The following IL33 variants were observed in gnomAD, a reference collection of about 807,000 sequenced individuals.
The protein encoded by IL33 is interleukin-33.
IL33 carries 37 observed loss-of-function variants against 27.3 expected under a neutral mutation model. That is an observed-to-expected ratio of 1.36 (90% CI 1.04 to 1.78). IL33 has a LOEUF of 1.78. Among genes scored for constraint, IL33 ranks in the 40% most tolerant of loss-of-function variants. The pLI, the probability that IL33 is intolerant of heterozygous loss-of-function variation, is 0.00. For synonymous variants in IL33, 132 were observed against 102.9 expected (o/e 1.28, Z -1.71); for missense variants, 406 against 311.4 (o/e 1.30, Z -2.29).
At chr9:6,253,645 G>C in intron 6 of IL33, 43 bp downstream of exon 6, 3 of 1,484,676 alleles carry the variant, frequency 2.0e-6, no homozygotes, top group South Asian at 1.2e-5. Context: ...GAATTCTTAA[G>C]TATGGGGTAA....
intron 1 of IL33, among the ~76,000 whole-genome samples, chr9:6,240,441 G>C (rs916990360): frequency 6.6e-6 from 1 of 152,228 alleles, no homozygotes; most frequent in African/African-American, 2.4e-5. Context: ...GGAAACCAAA[G>C]TTCTTATTTG....
intron 6 of IL33, 97 bp downstream of exon 6, chr9:6,253,699 T>C (rs1244124696): frequency 6.5e-6 from 6 of 927,916 alleles, no homozygotes; most frequent in African/African-American, 1.7e-5. Flanking sequence ...GGAAAAAAGA[T>C]AGTCTCAGAA....
At position 6,251,177 on chromosome 9, in the gene IL33, T is replaced by A; in HGVS notation, c.255T>A (p.Cys85Ter). Residue 85 changes from cysteine to a stop codon, truncating the protein, a stop_gained, in exon 4 of 8, where the codon TGT becomes TGA. Coordinates refer to ENST00000682010, the MANE Select transcript of IL33 (RefSeq NM_033439.4). LOFTEE classifies it high-confidence loss of function. ...KHKRHLVLAA[C>*]QQQSTVECFA... ...AAAGACATCTGGTACTCGCTGCCTGTCAACAGCAGTCTACTGTGGAGTGCT... is the reference window on the plus strand; with the variant it reads ...AAAGACATCTGGTACTCGCTGCCTGACAACAGCAGTCTACTGTGGAGTGCT... The A allele has an allele frequency of 6.2e-7, 1 of 1,614,022 alleles. No homozygotes were observed. Among genetic ancestry groups the A allele is most frequent in the South Asian group, 1.1e-5 (1 of 91,078 alleles).
Position 6,256,242 on chromosome 9 carries a change from G to A in IL33, c.*74G>A, listed in dbSNP as rs982710785. 1.6e-5 allele frequency: 17 copies of A among 1,066,796 alleles called. No homozygotes were observed. The highest frequency in any genetic ancestry group is 2.8e-4 in the Middle Eastern group (1 of 3,576). The allele number at this position is 1,066,796 out of a possible 1,614,324, so 66.1% of individuals were successfully genotyped here. A position where few individuals can be genotyped will look rare whatever the true frequency, so the allele number is the denominator to read the frequency against. ...GGAGAAGGAATGAGAGATAAAGAAA[G>A]AGACAGGTGACATCTAAGGGAAATG... On this transcript the variant is annotated 3_prime_UTR_variant, in exon 8 of 8. Coordinates refer to ENST00000682010, the MANE Select transcript of IL33 (RefSeq NM_033439.4).
chr9:6,249,425 T>C (rs1816201596), intron 2 of IL33, among the ~76,000 whole-genome samples: 2 of 152,324 alleles, frequency 1.3e-5, no homozygotes, highest in South Asian at 4.1e-4. Context: ...TACATAATGT[T>C]AAAAATTGAG....
intron 4 of IL33, among the ~76,000 whole-genome samples, chr9:6,252,142 G>A (rs528785492): frequency 6.6e-5 from 10 of 150,568 alleles, no homozygotes; most frequent in African/African-American, 2.4e-4. Flanking sequence ...CATTATTCCT[G>A]CTATAAATGT....
chr9:6,219,288 T>C (rs201700798), intron 1 of IL33, among the ~76,000 whole-genome samples: 41 of 152,018 alleles, frequency 2.7e-4, no homozygotes, highest in Middle Eastern at 6.8e-3. Context: ...GGTGCTGATG[T>C]CTGCAAGCAA....
At chr9:6,241,559 C>A in intron 1 of IL33, 125 bp from the exon 2 acceptor site, 1 of 573,930 alleles carries the variant, frequency 1.7e-6, no homozygotes, top group Non-Finnish European at 3.1e-6. Flanking sequence ...TACGTTCAAA[C>A]TTTACTGAAA....
At chr9:6,253,440 T>C (rs1816527552) in intron 5 of IL33, 112 bp from the exon 6 acceptor site, 4 of 669,712 alleles carry the variant, frequency 6.0e-6, no homozygotes, top group Non-Finnish European at 7.5e-6. Context: ...AGATTTGTTT[T>C]TATTGATATA....
chr9:6,238,245 T>C (rs1819340603), intron 1 of IL33, among the ~76,000 whole-genome samples: 2 of 152,228 alleles, frequency 1.3e-5, no homozygotes, highest in Non-Finnish European at 2.9e-5. Flanking sequence ...AGTTTCAGTC[T>C]ACTCATCTGT....
intron 1 of IL33, among the ~76,000 whole-genome samples, chr9:6,228,822 A>G (rs1490306216): frequency 2.0e-5 from 3 of 148,396 alleles, no homozygotes; most frequent in Non-Finnish European, 4.4e-5. Flanking sequence ...CCTCCAGCCT[A>G]GGTGACAGAG....
At chr9:6,252,746 C>G in intron 4 of IL33, 120 bp from the exon 5 acceptor site, 1 of 1,165,976 alleles carries the variant, frequency 8.6e-7, no homozygotes, top group Non-Finnish European at 1.2e-6. Flanking sequence ...AGGCTTTAAT[C>G]TAGCCAACAG....
At chr9:6,229,391 T>C (rs370360050) in intron 1 of IL33, among the ~76,000 whole-genome samples, 3 of 152,278 alleles carry the variant, frequency 2.0e-5, no homozygotes, top group African/African-American at 7.2e-5. Flanking sequence ...ACTGAATAAT[T>C]TGAAATGTTC....
At chr9:6,245,049 C>G (rs1819749812) in intron 2 of IL33, among the ~76,000 whole-genome samples, 2 of 152,174 alleles carry the variant, frequency 1.3e-5, no homozygotes, top group African/African-American at 2.4e-5. Context: ...AGCTACTTCC[C>G]TACTTCCCAG....
chr9:6,237,176 C>T lies in IL33; in HGVS notation c.-11-4508C>T, dbSNP rs144037892. Reference sequence around the variant, plus strand: ...CATAACCAGTGTGCAGGGATATCTGCTGTATATCATTGGGAATAGCAGCAA... The same window carrying T: ...CATAACCAGTGTGCAGGGATATCTGTTGTATATCATTGGGAATAGCAGCAA... On this transcript the variant is annotated intron_variant, in intron 1 of 7. Transcript: ENST00000682010. Among the ~76,000 whole-genome samples the T allele has an allele frequency of 7.2e-5, 11 of 152,194 alleles. No homozygotes were observed. In the East Asian group the frequency reaches 1.9e-3, roughly 27 times the overall value.
chr9:6,246,647 G>A (rs1007635893), intron 2 of IL33, among the ~76,000 whole-genome samples: 6 of 152,168 alleles, frequency 3.9e-5, no homozygotes, highest in African/African-American at 1.4e-4. Flanking sequence ...ATGGATTAAT[G>A]CCATTGTCAT....
chr9:6,222,208 C>T (rs538179323), intron 1 of IL33, among the ~76,000 whole-genome samples: 1 of 152,154 alleles, frequency 6.6e-6, no homozygotes, highest in African/African-American at 2.4e-5. Flanking sequence ...AGAAGAAAGC[C>T]TCTGTACTCT....
At chr9:6,253,791 G>C (rs1816559315) in intron 6 of IL33, among the ~76,000 whole-genome samples, 189 bp downstream of exon 6, 1 of 152,126 alleles carries the variant, frequency 6.6e-6, no homozygotes, top group East Asian at 1.9e-4. Flanking sequence ...TTAATCGTTA[G>C]GATAAAGTTT....
In IL33 at chr9:6,255,976, G is replaced by C. The variant is rs1436110050; in HGVS notation, c.621G>C (p.Lys207Asn). Residue 207 changes from lysine (K) to asparagine (N), a missense_variant, in exon 8 of 8, where the codon AAG becomes AAC. Physicochemically the swap from Lys to Asn is moderately conservative, Grantham distance 94 (BLOSUM62 0). Coordinates refer to ENST00000682010, the MANE Select transcript of IL33 (RefSeq NM_033439.4). The stretch of plus-strand genomic sequence containing the variant: ...CTCTCTTGTTTCCTCAGCTCCATAA[G>C]TGTGAAAAACCACTGCCAGACCAGG... ...NNKEHSVELHKCEKPLPDQAF... is the reference protein window; with the variant it reads ...NNKEHSVELHNCEKPLPDQAF... The C allele has an allele frequency of 1.2e-6, 2 of 1,613,396 alleles. No individual in the cohort carries two copies. The highest frequency in any genetic ancestry group is 1.7e-4 in the Middle Eastern group (1 of 6,060).
Sources: allele counts gnomAD v4.1 joint callset (sites outside exome capture counted in the v4.1 genomes callset), GRCh38; gene constraint gnomAD v4.1.1; transcripts MANE v1.5; gene names NCBI Gene and HGNC (gene_info 2026-07-23, HGNC 2026-07-21).